EPHA6: variants seen among roughly 807,000 people sequenced by gnomAD.
EPHA6 encodes the protein EPH receptor A6, also known as ephrin type-A receptor 6.
In EPHA6, 50 loss-of-function variants were observed where a neutral mutation model predicts 112.0. The observed-to-expected ratio is 0.45, with a 90% CI of 0.36 to 0.56. The LOEUF (loss-of-function observed/expected upper bound fraction) is 0.56, where lower values mean the gene tolerates loss of function less well. Among genes scored for constraint, EPHA6 ranks in the 20% least tolerant of loss-of-function variants. The pLI, the probability that EPHA6 is intolerant of heterozygous loss-of-function variation, is 0.00. For synonymous variants in EPHA6, 529 were observed against 490.7 expected (o/e 1.08, Z -1.03); for missense variants, 1,280 against 1,417.4 (o/e 0.90, Z 1.56).
intron 10 of EPHA6, among the ~76,000 whole-genome samples, chr3:97,531,825 G>A (rs1414686583): frequency 6.6e-6 from 1 of 152,026 alleles, no homozygotes; most frequent in Non-Finnish European, 1.5e-5. Context: ...GGCTTGTAAT[G>A]TAGCCTGTAT....
intron 3 of EPHA6, among the ~76,000 whole-genome samples, chr3:97,076,651 A>T (rs765168053): frequency 1.3e-5 from 2 of 152,190 alleles, no homozygotes; most frequent in African/African-American, 2.4e-5. Context: ...TTGGAAGAGG[A>T]TGCTCTCTAG....
chr3:97,465,532 T>A (rs1254401097), intron 7 of EPHA6, among the ~76,000 whole-genome samples: 1 of 152,038 alleles, frequency 6.6e-6, no homozygotes, highest in Non-Finnish European at 1.5e-5. Flanking sequence ...CCAGAATTAA[T>A]CCTGATGATT....
At chr3:97,669,351 G>C (rs778947166) in intron 14 of EPHA6, among the ~76,000 whole-genome samples, 1 of 149,398 alleles carries the variant, frequency 6.7e-6, no homozygotes, top group Non-Finnish European at 1.5e-5. Context: ...GTAGATCAGT[G>C]TATCAGTAAT....
chr3:97,366,727 A>C (rs1351972968), intron 5 of EPHA6, among the ~76,000 whole-genome samples: 1 of 152,234 alleles, frequency 6.6e-6, no homozygotes, highest in Non-Finnish European at 1.5e-5. Context: ...TTAAAAAAAC[A>C]AAGCAATTGA....
At chr3:96,954,210 G>A (rs2041667004) in intron 2 of EPHA6, among the ~76,000 whole-genome samples, 1 of 152,004 alleles carries the variant, frequency 6.6e-6, no homozygotes, top group African/African-American at 2.4e-5. Flanking sequence ...TTCCTCACTT[G>A]CCTCAAGACA....
chr3:97,411,132 T>C (rs2087687665), intron 6 of EPHA6, among the ~76,000 whole-genome samples: 1 of 151,902 alleles, frequency 6.6e-6, no homozygotes, highest in East Asian at 1.9e-4. Flanking sequence ...TAAAACAGCA[T>C]TACCTGAAAG....
intron 5 of EPHA6, among the ~76,000 whole-genome samples, chr3:97,402,859 A>G (rs569449502): frequency 1.8e-4 from 28 of 152,182 alleles, no homozygotes; most frequent in Non-Finnish European, 3.4e-4. Flanking sequence ...ATTTAAGAAA[A>G]TACTTTGTCC....
chr3:97,497,305 A>C (rs2092006184), intron 10 of EPHA6, among the ~76,000 whole-genome samples: 1 of 151,802 alleles, frequency 6.6e-6, no homozygotes, highest in African/African-American at 2.4e-5. Flanking sequence ...TTCTACATGC[A>C]CTCCTATCTC....
At chr3:97,275,317 C>T (rs944476423) in intron 5 of EPHA6, among the ~76,000 whole-genome samples, 1 of 152,122 alleles carries the variant, frequency 6.6e-6, no homozygotes, top group Non-Finnish European at 1.5e-5. Context: ...TTGGGCTTGA[C>T]TGAAGTAATG....
At chr3:97,667,461 A>AT (rs1278144845) in intron 14 of EPHA6, among the ~76,000 whole-genome samples, 2 of 152,166 alleles carry the variant, frequency 1.3e-5, no homozygotes, top group Non-Finnish European at 2.9e-5. Flanking sequence ...CTTCACAGAT[A>AT]TTTTTACCAT....
intron 1 of EPHA6, among the ~76,000 whole-genome samples, chr3:96,859,005 G>A (rs9822669): frequency 0.041 from 6,276 of 152,160 alleles, 393 homozygotes; most frequent in African/African-American, 0.13. Flanking sequence ...TACAGTAGCC[G>A]TTTAAATTTT....
chr3:97,054,754 C>T (rs936851537), intron 3 of EPHA6, among the ~76,000 whole-genome samples: 1 of 151,816 alleles, frequency 6.6e-6, no homozygotes, highest in Non-Finnish European at 1.5e-5. Flanking sequence ...CTAATTTTTA[C>T]CTGATACTAA....
chr3:97,049,653 AG>A (rs2045623072), intron 3 of EPHA6, among the ~76,000 whole-genome samples: 1 of 152,206 alleles, frequency 6.6e-6, no homozygotes, highest in East Asian at 1.9e-4. Flanking sequence ...TAATTTACAA[AG>A]AAAAAAATGG....
chr3:97,452,308 A>G (rs190513782), intron 7 of EPHA6, among the ~76,000 whole-genome samples: 3 of 151,828 alleles, frequency 2.0e-5, no homozygotes, highest in Admixed American at 2.0e-4. Context: ...TTTCCCCTCT[A>G]CCGAAATCTA....
chr3:97,183,703 G>A (rs1346596969), intron 3 of EPHA6, among the ~76,000 whole-genome samples: 1 of 152,102 alleles, frequency 6.6e-6, no homozygotes, highest in African/African-American at 2.4e-5. Context: ...TGTGTGTGGT[G>A]TGTGGGTGTG....
intron 11 of EPHA6, among the ~76,000 whole-genome samples, chr3:97,592,097 G>A (rs940704400): frequency 3.9e-5 from 6 of 152,084 alleles, no homozygotes; most frequent in African/African-American, 1.4e-4. Flanking sequence ...ATTAATAATT[G>A]TGTACATCAA....
chr3:97,134,018 A>T (rs1018953426), intron 3 of EPHA6, among the ~76,000 whole-genome samples: 1 of 151,966 alleles, frequency 6.6e-6, no homozygotes, highest in Non-Finnish European at 1.5e-5. Context: ...TGTTTTTGCC[A>T]CTGTTTGTTT....
At chr3:97,475,289 G>C in intron 7 of EPHA6, 63 bp from the exon 8 acceptor site, 3 of 1,215,762 alleles carry the variant, frequency 2.5e-6, no homozygotes, top group Non-Finnish European at 3.5e-6. Flanking sequence ...AAACTAAATT[G>C]TAAAATGGTT....
chr3:97,270,219 A>G (rs1373698503), intron 5 of EPHA6, among the ~76,000 whole-genome samples: 1 of 152,196 alleles, frequency 6.6e-6, no homozygotes, highest in Non-Finnish European at 1.5e-5. Context: ...AAATAATGAA[A>G]ATATTTTGCA....
Sources: allele counts gnomAD v4.1 joint callset (sites outside exome capture counted in the v4.1 genomes callset), GRCh38; gene constraint gnomAD v4.1.1; transcripts MANE v1.5; gene names NCBI Gene and HGNC (gene_info 2026-07-23, HGNC 2026-07-21).